The following ARHGAP15 variants were observed in gnomAD, a reference collection of about 807,000 sequenced individuals.
ARHGAP15 encodes the protein rho GTPase-activating protein 15.
A neutral mutation model predicts 63.7 loss-of-function variants in ARHGAP15; 51 were observed. That is an observed-to-expected ratio of 0.80 (90% CI 0.64 to 1.01). The LOEUF (loss-of-function observed/expected upper bound fraction) is 1.01. Ranked by LOEUF, ARHGAP15 falls within the 50% of genes least tolerant of loss-of-function variation. The probability of loss-of-function intolerance (pLI) is 0.00; values close to 1 mark genes in which losing one functional copy is unlikely to be tolerated. For synonymous variants in ARHGAP15, 191 were observed against 193.8 expected (o/e 0.99, Z 0.12); for missense variants, 560 against 564.6 (o/e 0.99, Z 0.08).
intron 3 of ARHGAP15, among the ~76,000 whole-genome samples, chr2:143,207,267 T>C (rs1349821116): frequency 4.6e-5 from 7 of 152,128 alleles, no homozygotes. Flanking sequence ...TCACTAATTA[T>C]AGATAATATA....
At chr2:143,347,909 C>A (rs1034608756) in intron 6 of ARHGAP15, among the ~76,000 whole-genome samples, 2 of 150,324 alleles carry the variant, frequency 1.3e-5, no homozygotes, top group Non-Finnish European at 3.0e-5. Flanking sequence ...ATTTGATTTT[C>A]CTCACGGTTC....
chr2:143,529,750 CT>C (rs1371935147), intron 10 of ARHGAP15, among the ~76,000 whole-genome samples: 2 of 152,188 alleles, frequency 1.3e-5, no homozygotes, highest in African/African-American at 4.8e-5. Context: ...GAATCACCTT[CT>C]CCAAGGAATA....
At chr2:143,203,992 GTCT>G (rs1158595782) in intron 3 of ARHGAP15, among the ~76,000 whole-genome samples, 1 of 151,986 alleles carries the variant, frequency 6.6e-6, no homozygotes, top group Non-Finnish European at 1.5e-5. Flanking sequence ...CATTTCACAA[GTCT>G]TCTCCATTTC....
chr2:143,174,236 C>T (rs987641195), intron 2 of ARHGAP15, among the ~76,000 whole-genome samples: 2 of 152,048 alleles, frequency 1.3e-5, no homozygotes, highest in Non-Finnish European at 2.9e-5. Flanking sequence ...GAAACGTTAT[C>T]TCTCATATTG....
At chr2:143,693,559 A>AT (rs746300905) in intron 12 of ARHGAP15, among the ~76,000 whole-genome samples, 10 of 152,102 alleles carry the variant, frequency 6.6e-5, no homozygotes, top group South Asian at 2.1e-4. Flanking sequence ...GGATTTGTTC[A>AT]TTTTTTCTCC....
chr2:143,152,511 C>A (rs1393249590), intron 1 of ARHGAP15, among the ~76,000 whole-genome samples: 1 of 152,016 alleles, frequency 6.6e-6, no homozygotes, highest in Non-Finnish European at 1.5e-5. Context: ...CTATTGCCCT[C>A]ACCAAACTCT....
intron 6 of ARHGAP15, among the ~76,000 whole-genome samples, chr2:143,261,735 C>T (rs1014600868): frequency 1.3e-5 from 2 of 151,966 alleles, no homozygotes; most frequent in Non-Finnish European, 2.9e-5. Context: ...GCTAGGTTCC[C>T]CTGAAAGAAA....
At chr2:143,744,858 G>T (rs541538014) in intron 13 of ARHGAP15, among the ~76,000 whole-genome samples, 1 of 152,142 alleles carries the variant, frequency 6.6e-6, no homozygotes, top group Non-Finnish European at 1.5e-5. Flanking sequence ...ATGTACATCC[G>T]TTGGGAACTG....
At chr2:143,186,710 C>G (rs1399694276) in intron 2 of ARHGAP15, among the ~76,000 whole-genome samples, 1 of 152,182 alleles carries the variant, frequency 6.6e-6, no homozygotes, top group East Asian at 1.9e-4. Flanking sequence ...GGAATCATTA[C>G]TCTATGTGAC....
intron 6 of ARHGAP15, among the ~76,000 whole-genome samples, chr2:143,421,466 A>G (rs1472717715): frequency 1.3e-5 from 2 of 151,974 alleles, no homozygotes; most frequent in Non-Finnish European, 2.9e-5. Flanking sequence ...AGGGACTGGG[A>G]GAGAAAGAGG....
intron 6 of ARHGAP15, among the ~76,000 whole-genome samples, chr2:143,393,172 C>A (rs1317658784): frequency 6.6e-6 from 1 of 152,114 alleles, no homozygotes; most frequent in Non-Finnish European, 1.5e-5. Context: ...CAAAGATCTA[C>A]CCAGCCAAAG....
chr2:143,413,991 T>C (rs1688575433), intron 6 of ARHGAP15, among the ~76,000 whole-genome samples: 1 of 132,318 alleles, frequency 7.6e-6, no homozygotes, highest in African/African-American at 3.1e-5. Flanking sequence ...AGAAAGTTAA[T>C]CTGAAGCTAG....
chr2:143,232,688 C>G (rs1693494009), intron 5 of ARHGAP15, among the ~76,000 whole-genome samples: 1 of 152,152 alleles, frequency 6.6e-6, no homozygotes, highest in African/African-American at 2.4e-5. Context: ...ATCATAGCCT[C>G]TTCCCTTCTC....
At chr2:143,161,518 T>C (rs1226157406) in intron 2 of ARHGAP15, among the ~76,000 whole-genome samples, 2 of 151,962 alleles carry the variant, frequency 1.3e-5, no homozygotes, top group African/African-American at 2.4e-5. Flanking sequence ...ACTAATATTA[T>C]GGTAAATTGT....
At chr2:143,250,624 T>G in intron 6 of ARHGAP15, 24 bp downstream of exon 6, 1 of 1,573,862 alleles carries the variant, frequency 6.4e-7, no homozygotes, top group Non-Finnish European at 8.7e-7. Flanking sequence ...ATATATTCAA[T>G]TTATTCCTAT....
chr2:143,181,329 TA>T (rs957153073), intron 2 of ARHGAP15, among the ~76,000 whole-genome samples: 3 of 152,200 alleles, frequency 2.0e-5, no homozygotes, highest in Admixed American at 2.0e-4. Context: ...GGCTTCAACT[TA>T]AAGACACTGA....
Position 143,768,091 on chromosome 2 carries a change from G to T in ARHGAP15, c.1347G>T (p.Ala449=), listed in dbSNP as rs745731639. 1.2e-6 allele frequency: 2 copies of T among 1,613,638 alleles called. No individual in the cohort carries two copies. Among genetic ancestry groups the T allele is most frequent in the East Asian group, 2.2e-5 (1 of 44,874 alleles). Reference sequence around the variant, plus strand: ...CTGAAAATGAAACAGGAAACATGGCGATCCACATGGTCTACCAGAACCAGA... The same window carrying T: ...CTGAAAATGAAACAGGAAACATGGCTATCCACATGGTCTACCAGAACCAGA... The part of the protein sequence containing the change: ...LRAENETGNM[A]IHMVYQNQIA... Residue 449 remains alanine, a synonymous_variant, in exon 14 of 14, where the codon GCG becomes GCT. Transcript: ENST00000295095.
At chr2:143,683,443 AC>A (rs912094357) in intron 12 of ARHGAP15, among the ~76,000 whole-genome samples, 3 of 152,092 alleles carry the variant, frequency 2.0e-5, no homozygotes, top group Non-Finnish European at 4.4e-5. Flanking sequence ...TGAAAAAAAA[AC>A]ATATTGGGAA....
At chr2:143,278,026 T>A (rs1421064806) in intron 6 of ARHGAP15, among the ~76,000 whole-genome samples, 1 of 152,196 alleles carries the variant, frequency 6.6e-6, no homozygotes, top group Non-Finnish European at 1.5e-5. Flanking sequence ...CATTTATATT[T>A]TTTAAAATCC....
Sources: gnomAD v4.1 joint callset for allele counts (sites outside exome capture counted in the v4.1 genomes callset) on GRCh38, gnomAD v4.1.1 for gene constraint, MANE v1.5 for transcripts, NCBI Gene and HGNC (gene_info 2026-07-23, HGNC 2026-07-21) for gene names.